PEX5L: variants seen among roughly 807,000 people sequenced by gnomAD.
PEX5L encodes the protein peroxisomal biogenesis factor 5 like.
PEX5L carries 30 observed loss-of-function variants against 84.0 expected under a neutral mutation model. The observed-to-expected ratio is 0.36, with a 90% CI of 0.27 to 0.48. The LOEUF (loss-of-function observed/expected upper bound fraction) is 0.48. Among genes scored for constraint, PEX5L ranks in the 20% least tolerant of loss-of-function variants. The pLI is 0.99. For missense variants in PEX5L, 533 were observed against 754.6 expected, an observed-to-expected ratio of 0.71 and a Z score of 3.44; for synonymous variants, 270 against 283.1, an observed-to-expected ratio of 0.95 and a Z score of 0.46.
chr3:179,903,347 A>G (rs184059354), intron 2 of PEX5L, among the ~76,000 whole-genome samples: 3 of 152,138 alleles, frequency 2.0e-5, no homozygotes, highest in Non-Finnish European at 4.4e-5. Context: ...TCAGCTTCCT[A>G]AGTAGCTGAG....
At chr3:179,879,843 G>A (rs978156809) in intron 5 of PEX5L, 86 bp downstream of exon 5, 1 of 941,262 alleles carries the variant, frequency 1.1e-6, no homozygotes, top group Non-Finnish European at 1.6e-6. Context: ...TTTGTTCTCT[G>A]TTTAATGCCA....
At chr3:179,973,578 C>T (rs1785301055) in intron 1 of PEX5L, 2 of 981,260 alleles carry the variant, frequency 2.0e-6, no homozygotes, top group South Asian at 9.4e-5. Flanking sequence ...CTTCAGCCTC[C>T]TCATCATAAA....
chr3:179,980,130 T>C (rs1284236089), intron 1 of PEX5L, among the ~76,000 whole-genome samples: 1 of 152,212 alleles, frequency 6.6e-6, no homozygotes, highest in African/African-American at 2.4e-5. Flanking sequence ...TTTTGGAAAC[T>C]CTGACACATG....
intron 10 of PEX5L, among the ~76,000 whole-genome samples, 155 bp downstream of exon 10, chr3:179,815,706 A>AC (rs1725812803): frequency 6.6e-6 from 1 of 152,216 alleles, no homozygotes; most frequent in East Asian, 1.9e-4. Flanking sequence ...GAAAACGGGT[A>AC]CTTATTTGTA....
intron 2 of PEX5L, among the ~76,000 whole-genome samples, chr3:179,917,951 G>A (rs1450730162): frequency 3.9e-5 from 6 of 152,136 alleles, no homozygotes; most frequent in Non-Finnish European, 5.9e-5. Flanking sequence ...GAGCCACTGC[G>A]CCTGGCCTTG....
chr3:179,964,493 T>C (rs1486884451), intron 2 of PEX5L, among the ~76,000 whole-genome samples: 6 of 152,020 alleles, frequency 3.9e-5, no homozygotes, highest in Admixed American at 2.6e-4. Flanking sequence ...AAAGAAACTG[T>C]CAACAGATTA....
In PEX5L at chr3:179,898,124, C is replaced by T. The variant is rs778262400; in HGVS notation, c.198+18G>A. On this transcript the variant is annotated intron_variant, in intron 3 of 14. Transcript: ENST00000467460. ...AACATATGTCAGCTTCCTACAGAAACCCTATGGGTCTGCCCACCTGTGATG... is the reference window on the plus strand; with the variant it reads ...AACATATGTCAGCTTCCTACAGAAATCCTATGGGTCTGCCCACCTGTGATG... The T allele has an allele frequency of 1.3e-6, 2 of 1,503,516 alleles. No homozygotes were observed. The highest frequency in any genetic ancestry group is 1.9e-6 in the Non-Finnish European group (2 of 1,080,394). The allele number at this position is 1,503,516 out of a possible 1,614,324, so 93.1% of individuals were successfully genotyped here.
chr3:179,936,196 G>C (rs957506721), intron 2 of PEX5L, among the ~76,000 whole-genome samples: 11 of 152,088 alleles, frequency 7.2e-5, no homozygotes, highest in African/African-American at 2.7e-4. Context: ...TGGTGGAGTT[G>C]AGCCAAATGA....
rs1284221640 is a variant in PEX5L at position 179,798,962 on chromosome 3, C to T, written c.*2866G>A. On this transcript the variant is annotated 3_prime_UTR_variant, in exon 15 of 15. Transcript: ENST00000467460. ...TGAGACGGAGTCTCGCTCTGTCACCCAGACTGGAGTGCAGCGGTGCAATCT... is the reference window on the plus strand; with the variant it reads ...TGAGACGGAGTCTCGCTCTGTCACCTAGACTGGAGTGCAGCGGTGCAATCT... The T allele has an allele frequency of 2.6e-5, 4 of 152,270 alleles. No homozygotes were observed. Among genetic ancestry groups the T allele is most frequent in the Non-Finnish European group, 5.9e-5 (4 of 68,106 alleles). 9.4% of individuals were successfully genotyped at this position (152,270 alleles called of 1,614,324 possible).
chr3:179,808,220 C>T, intron 13 of PEX5L, 52 bp downstream of exon 13: 1 of 1,453,744 alleles, frequency 6.9e-7, no homozygotes, highest in Non-Finnish European at 9.2e-7. Flanking sequence ...CCTGTGAAAA[C>T]TTATTTGTTA....
intron 8 of PEX5L, among the ~76,000 whole-genome samples, chr3:179,825,251 C>G (rs1245023764): frequency 2.0e-5 from 3 of 152,124 alleles, no homozygotes; most frequent in Non-Finnish European, 4.4e-5. Flanking sequence ...ATGGCAGAAC[C>G]AGGATAAATG....
intron 1 of PEX5L, among the ~76,000 whole-genome samples, chr3:180,023,575 A>T (rs1183573631): frequency 2.6e-5 from 4 of 152,154 alleles, no homozygotes; most frequent in African/African-American, 9.7e-5. Flanking sequence ...GCACTCACAG[A>T]TGTATTGTAT....
In PEX5L at chr3:179,796,069, C is replaced by A. The variant is rs1716815195; in HGVS notation, c.*5759G>T. ...CTTGTATGGTATCCATGCAGAAATG[C>A]TATATATCTCAGTGAAAATGCCAAA... On this transcript the variant is annotated 3_prime_UTR_variant, in exon 15 of 15. Coordinates refer to ENST00000467460, the MANE Select transcript of PEX5L (RefSeq NM_016559.3). The A allele has an allele frequency of 6.6e-6, 1 of 152,034 alleles. No individual in the cohort carries two copies. The highest frequency in any genetic ancestry group is 2.4e-5 in the African/African-American group (1 of 41,386). 9.4% of individuals were successfully genotyped at this position (152,034 alleles called of 1,614,324 possible).
chr3:179,862,152 C>G (rs576889740), intron 7 of PEX5L, among the ~76,000 whole-genome samples: 1 of 152,194 alleles, frequency 6.6e-6, no homozygotes, highest in Non-Finnish European at 1.5e-5. Context: ...CTTATGACTG[C>G]GTCACTCCAT....
At chr3:179,956,156 A>G (rs1780500079) in intron 2 of PEX5L, among the ~76,000 whole-genome samples, 1 of 152,162 alleles carries the variant, frequency 6.6e-6, no homozygotes, top group South Asian at 2.1e-4. Flanking sequence ...TAGGGAAGTC[A>G]AGGCTTAGAG....
Position 179,815,861 on chromosome 3 carries a change from C to T in PEX5L, c.1083G>A (p.Glu361=), listed in dbSNP as rs1725876786. ...AAILQDPGDA[E]AWQFLGITQA... ...TGGCAGAATGAAGGGAGAATGACAC[C>T]TCTGCATCTCCAGGGTCCTGAAGAA... is the stretch of plus-strand genomic sequence containing the variant. The change falls in exon 10 of 15, where the codon GAG becomes GAA. Residue 361 remains glutamate (E), a splice_region_variant and synonymous_variant. Coordinates refer to ENST00000467460, the MANE Select transcript of PEX5L (RefSeq NM_016559.3). 1.2e-6 allele frequency: 2 copies of T among 1,613,888 alleles called. No homozygotes were observed. The highest frequency in any genetic ancestry group is 1.3e-5 in the African/African-American group (1 of 74,914).
intron 2 of PEX5L, among the ~76,000 whole-genome samples, chr3:179,970,239 A>G (rs1784389913): frequency 6.6e-6 from 1 of 152,132 alleles, no homozygotes; most frequent in Middle Eastern, 3.2e-3. Context: ...TATTCTCATA[A>G]TATACCCAGG....
chr3:179,952,498 C>T (rs7642245), intron 2 of PEX5L, among the ~76,000 whole-genome samples: 108,944 of 152,008 alleles, frequency 0.72, 39,634 homozygotes, highest in East Asian at 0.89. Context: ...CATCTAATCA[C>T]TTACTTTTCA....
chr3:179,971,259 A>T (rs1197952905), intron 2 of PEX5L, among the ~76,000 whole-genome samples: 3 of 152,054 alleles, frequency 2.0e-5, no homozygotes, highest in African/African-American at 7.2e-5. Flanking sequence ...CATTTTCAAG[A>T]TAATATATTT....
Sources: gnomAD v4.1 joint callset for allele counts (sites outside exome capture counted in the v4.1 genomes callset) on GRCh38, gnomAD v4.1.1 for gene constraint, MANE v1.5 for transcripts, NCBI Gene and HGNC (gene_info 2026-07-23, HGNC 2026-07-21) for gene names.